SLC44A5: variants seen among roughly 807,000 people sequenced by gnomAD.
SLC44A5 encodes solute carrier family 44 member 5, also known as choline transporter-like protein 5.
A neutral mutation model predicts 101.8 loss-of-function variants in SLC44A5; 57 were observed. That is an observed-to-expected ratio of 0.56 (90% CI 0.45 to 0.70). The LOEUF is 0.70. Ranked by LOEUF, SLC44A5 falls within the 30% of genes least tolerant of loss-of-function variation. SLC44A5 has a pLI of 0.00. For missense variants in SLC44A5, 737 were observed against 853.1 expected, an observed-to-expected ratio of 0.86 and a Z score of 1.70; for synonymous variants, 281 against 290.9, an observed-to-expected ratio of 0.97 and a Z score of 0.35.
At chr1:75,480,694 A>G (rs1021222029) in intron 2 of SLC44A5, among the ~76,000 whole-genome samples, 3 of 151,990 alleles carry the variant, frequency 2.0e-5, no homozygotes, top group Non-Finnish European at 4.4e-5. Flanking sequence ...TCCACCTTAC[A>G]AGGGATGTGA....
intron 2 of SLC44A5, among the ~76,000 whole-genome samples, chr1:75,504,474 T>C (rs1045589487): frequency 2.0e-5 from 3 of 152,144 alleles, no homozygotes; most frequent in Non-Finnish European, 4.4e-5. Context: ...TAAAAAACAT[T>C]AAAAATTGCA....
At chr1:75,398,766 C>G (rs1234643135) in intron 2 of SLC44A5, among the ~76,000 whole-genome samples, 2 of 152,126 alleles carry the variant, frequency 1.3e-5, no homozygotes, top group East Asian at 1.9e-4. Flanking sequence ...AGCCTGCTTT[C>G]TGTAACAGCT....
chr1:75,459,199 C>G (rs1168935791), intron 2 of SLC44A5, among the ~76,000 whole-genome samples: 1 of 152,156 alleles, frequency 6.6e-6, no homozygotes, highest in Non-Finnish European at 1.5e-5. Context: ...CAAGGAAGAA[C>G]CATCTCTCCT....
intron 2 of SLC44A5, among the ~76,000 whole-genome samples, chr1:75,485,267 C>A (rs1456653351): frequency 6.6e-6 from 1 of 152,204 alleles, no homozygotes; most frequent in Non-Finnish European, 1.5e-5. Flanking sequence ...TGTGAACACA[C>A]ATGATTGTAT....
chr1:75,537,033 A>AAAT (rs35829590), intron 2 of SLC44A5, among the ~76,000 whole-genome samples: 1 of 43,046 alleles, frequency 2.3e-5, no homozygotes, highest in African/African-American at 5.4e-5. Flanking sequence ...AAAAAAAAAA[A>AAAT]ATATATATCT....
At chr1:75,442,130 G>A (rs761275421) in intron 2 of SLC44A5, among the ~76,000 whole-genome samples, 1 of 152,218 alleles carries the variant, frequency 6.6e-6, no homozygotes, top group Admixed American at 6.5e-5. Context: ...TAAGGACAAA[G>A]TTTAAATCTG....
the SLC44A5 span, among the ~76,000 whole-genome samples, chr1:75,678,490 C>T: frequency 6.6e-6 from 1 of 151,356 alleles, no homozygotes; most frequent in Non-Finnish European, 1.5e-5. Context: ...AGGCACCCTC[C>T]AGCAGGGGCA....
chr1:75,664,050 C>CA, the SLC44A5 span, among the ~76,000 whole-genome samples: 2 of 151,958 alleles, frequency 1.3e-5, no homozygotes, highest in East Asian at 1.9e-4. Context: ...GAATCAAAAC[C>CA]AAAAAATATC....
chr1:75,287,940 T>A (rs146847869), intron 5 of SLC44A5, among the ~76,000 whole-genome samples: 22 of 152,284 alleles, frequency 1.4e-4, no homozygotes, highest in African/African-American at 5.3e-4. Context: ...CAGGAGGTGA[T>A]GCTTTCAAGA....
At chr1:75,238,410 A>ATG (rs1343537542) in intron 10 of SLC44A5, 103 bp downstream of exon 10, 2 of 300,824 alleles carry the variant, frequency 6.6e-6, no homozygotes, top group Admixed American at 1.1e-4. Context: ...ATATATATAT[A>ATG]TATGTGATTA....
At chr1:75,230,421 T>C (rs1647443735) in intron 12 of SLC44A5, among the ~76,000 whole-genome samples, 1 of 151,848 alleles carries the variant, frequency 6.6e-6, no homozygotes, top group South Asian at 2.1e-4. Context: ...CTAATTTTTA[T>C]ATTTTTTTTA....
Position 75,217,940 on chromosome 1 carries a change from G to A in SLC44A5, c.1550C>T (p.Ala517Val). 1 of 1,601,802 alleles carries A rather than the reference G, an allele frequency of 6.2e-7. No homozygotes were observed. The highest frequency in any genetic ancestry group is 8.6e-7 in the Non-Finnish European group (1 of 1,169,178). The change falls in exon 18 of 24, where the codon GCA becomes GTA. Residue 517 changes from alanine to valine, a missense_variant. Around this residue, in one of 3 missense-constraint regions of SLC44A5, gnomAD observed 665 missense variants for 764.4 expected, o/e 0.87. Coordinates refer to ENST00000370859, the MANE Select transcript of SLC44A5 (RefSeq NM_001130058.2). ...RAIRYHTGSL[A>V]FGSLIIALIQ... ...TAATGCAATAATTAAAGATCCAAAT[G>A]CTAGGGATCCTGTGTGATATCTGCA... is the stretch of plus-strand genomic sequence containing the variant.
chr1:75,429,217 G>C (rs1242516751), intron 2 of SLC44A5, among the ~76,000 whole-genome samples: 1 of 152,186 alleles, frequency 6.6e-6, no homozygotes, highest in African/African-American at 2.4e-5. Flanking sequence ...GGAGAGATCA[G>C]GAAAATAGGA....
At chr1:75,613,681 T>G (rs189942103), upstream of SLC44A5, among the ~76,000 whole-genome samples, 1 of 152,384 alleles carries the variant, frequency 6.6e-6, no homozygotes, top group East Asian at 1.9e-4. Flanking sequence ...TAAAATTTAT[T>G]GAGACCACAT....
At chr1:75,670,399 T>C in the SLC44A5 span, among the ~76,000 whole-genome samples, 3 of 152,098 alleles carry the variant, frequency 2.0e-5, no homozygotes, top group Non-Finnish European at 4.4e-5. Flanking sequence ...CAACACAAAA[T>C]GAAATTACAT....
At chr1:75,525,636 G>C (rs1438606588) in intron 2 of SLC44A5, among the ~76,000 whole-genome samples, 1 of 152,138 alleles carries the variant, frequency 6.6e-6, no homozygotes, top group Admixed American at 6.5e-5. Flanking sequence ...GAGAGAATGA[G>C]AGAGATAAAT....
intron 2 of SLC44A5, among the ~76,000 whole-genome samples, chr1:75,447,163 G>A (rs1665634198): frequency 1.3e-5 from 2 of 152,136 alleles, no homozygotes. Flanking sequence ...AGGAACAGCT[G>A]CCCTAATATG....
chr1:75,552,584 T>C (rs1244252777), intron 1 of SLC44A5, among the ~76,000 whole-genome samples: 4 of 151,592 alleles, frequency 2.6e-5, no homozygotes, highest in Non-Finnish European at 4.4e-5. Flanking sequence ...TATCGATTGA[T>C]CAAAACTTGT....
upstream of SLC44A5, chr1:75,611,259 A>C (rs1675644027): frequency 1.1e-5 from 2 of 174,500 alleles, no homozygotes; most frequent in Non-Finnish European, 1.1e-5. Context: ...AGGAGACTGA[A>C]CAAAGTCCTG....
Sources: gnomAD v4.1 joint callset for allele counts (sites outside exome capture counted in the v4.1 genomes callset) on GRCh38, gnomAD v4.1.1 for gene constraint, gnomAD v4.1.1 regional missense constraint, MANE v1.5 for transcripts, NCBI Gene and HGNC (gene_info 2026-07-23, HGNC 2026-07-21) for gene names.